Variants in ADCY3 observed in about 807,000 individuals in gnomAD.
The protein encoded by ADCY3 is adenylate cyclase type 3.
A neutral mutation model predicts 119.4 loss-of-function variants in ADCY3; 70 were observed. The ratio of observed to expected loss-of-function variants is 0.59; its 90% CI spans 0.48 to 0.72. ADCY3 has a LOEUF of 0.72. ADCY3 is among the 30% of genes least tolerant of loss of function. The pLI is 0.00. For missense variants in ADCY3, 1,238 were observed against 1,541.6 expected (o/e 0.80, Z 3.30); for synonymous variants, 672 against 621.4 (o/e 1.08, Z -1.21).
At position 24,872,460 on chromosome 2, in the gene ADCY3, G is replaced by A. The variant is rs1433432577; in HGVS notation, c.825+110C>T. 3.0e-6 allele frequency: 4 copies of A among 1,347,528 alleles called. No individual in the cohort carries two copies. Among genetic ancestry groups the A allele is most frequent in the African/African-American group, 1.5e-5 (1 of 68,524 alleles). The allele number at this position is 1,347,528 out of a possible 1,614,324, so 83.5% of individuals were successfully genotyped here. A position where few individuals can be genotyped will look rare whatever the true frequency, so the allele number is the denominator to read the frequency against. On this transcript the variant is annotated intron_variant, in intron 3 of 21. Transcript: ENST00000679454. The surrounding 1 kb of genome is among the most constrained non-coding windows in gnomAD (Gnocchi z 4.4). ...AAGCAAACACCTGAACAGGGTGGAT[G>A]AACGCCAAGCCCCACGGAGCCAGGG...
At chr2:24,892,175 G>C (rs1677729559) in intron 2 of ADCY3, among the ~76,000 whole-genome samples, 1 of 151,198 alleles carries the variant, frequency 6.6e-6, no homozygotes, top group Non-Finnish European at 1.5e-5. Flanking sequence ...TAAAGATATA[G>C]TCTGTTACTT....
chr2:24,825,614 G>A (rs1047550949), intron 16 of ADCY3: 20 of 178,424 alleles, frequency 1.1e-4, no homozygotes, highest in Middle Eastern at 2.4e-3. Context: ...CCACTGCACC[G>A]GCCTTCTCTT....
intron 2 of ADCY3, among the ~76,000 whole-genome samples, chr2:24,909,006 C>T (rs1294688745): frequency 6.6e-6 from 1 of 152,232 alleles, no homozygotes; most frequent in Non-Finnish European, 1.5e-5. Flanking sequence ...TTAGGTGCCA[C>T]TTAAATGCCG....
At chr2:24,907,268 A>T (rs1204125906) in intron 2 of ADCY3, among the ~76,000 whole-genome samples, 1 of 152,130 alleles carries the variant, frequency 6.6e-6, no homozygotes, top group Middle Eastern at 3.4e-3. Flanking sequence ...CCACTACCAG[A>T]TCTGACTCAG....
At chr2:24,893,782 A>AT (rs1168034286) in intron 2 of ADCY3, among the ~76,000 whole-genome samples, 2 of 150,346 alleles carry the variant, frequency 1.3e-5, no homozygotes, top group Non-Finnish European at 3.0e-5. Flanking sequence ...TAACTTTAGT[A>AT]TTTTTTGTAG....
chr2:24,905,816 A>G (rs1398778376), intron 2 of ADCY3, among the ~76,000 whole-genome samples: 2 of 152,268 alleles, frequency 1.3e-5, no homozygotes, highest in Non-Finnish European at 2.9e-5. Context: ...TTGCAGAAGG[A>G]GAAACCAGGC....
chr2:24,853,501 G>A (rs1237352013), intron 3 of ADCY3, among the ~76,000 whole-genome samples: 4 of 125,358 alleles, frequency 3.2e-5, no homozygotes, highest in Admixed American at 1.0e-4. Flanking sequence ...AGATGGCATC[G>A]CTCTGTCACC....
At position 24,834,368 on chromosome 2, in the gene ADCY3, G is replaced by A. The variant is rs1670002229; in HGVS notation, c.1967+117C>T. On this transcript the variant is annotated intron_variant, in intron 11 of 21. Transcript: ENST00000679454. The surrounding 1 kb of genome is among the most constrained non-coding windows in gnomAD (Gnocchi z 4.2). ...GGGGGCCGTCCCAGTGGGGGTCAGG[G>A]AGCAGAGACTGGCTTGCTCCCCAAT... 7.8e-7 allele frequency: 1 copy of A among 1,286,220 alleles called. No individual in the cohort carries two copies. The allele number at this position is 1,286,220 out of a possible 1,614,324, so 79.7% of individuals were successfully genotyped here.
chr2:24,838,295 G>A (rs1042318556), intron 8 of ADCY3, 150 bp downstream of exon 8: 20 of 771,536 alleles, frequency 2.6e-5, no homozygotes, highest in Non-Finnish European at 3.9e-5. Flanking sequence ...TCTCCCTTGG[G>A]AAGGGTGCCA....
Position 24,919,843 on chromosome 2 carries a change from T to A in ADCY3, c.-358A>T, listed in dbSNP as rs1025897966. 1 of 150,954 alleles carries A rather than the reference T, an allele frequency of 6.6e-6. No homozygotes were observed. Among genetic ancestry groups the A allele is most frequent in the Non-Finnish European group, 1.5e-5 (1 of 67,636 alleles). 9.4% of individuals were successfully genotyped at this position (150,954 alleles called of 1,614,324 possible). A position where few individuals can be genotyped will look rare whatever the true frequency, so the allele number is the denominator to read the frequency against. On this transcript the variant is annotated 5_prime_UTR_variant, in exon 1 of 22. Coordinates refer to ENST00000679454, the MANE Select transcript of ADCY3 (RefSeq NM_004036.5). This position sits in a 1 kb window ranked among gnomAD's most constrained non-coding sequence, Gnocchi z 5.5. ...CGATCTCCCGCCGTCAGGCCCGGGA[T>A]CCGACCGGGAGAGGCGCAGGGCTGC...
At chr2:24,864,469 G>T (rs898547074) in intron 3 of ADCY3, among the ~76,000 whole-genome samples, 1 of 151,620 alleles carries the variant, frequency 6.6e-6, no homozygotes, top group African/African-American at 2.4e-5. Context: ...TAGCAAAGCC[G>T]CAGAAAACAC....
chr2:24,823,872 T>C (rs953685332), intron 17 of ADCY3, among the ~76,000 whole-genome samples: 2 of 152,134 alleles, frequency 1.3e-5, no homozygotes, highest in Non-Finnish European at 2.9e-5. Context: ...TTGTATTTTT[T>C]AGTAGAGACA....
Position 24,918,998 on chromosome 2 carries a change from G to A in ADCY3, c.-11C>T. 1 of 1,544,474 alleles carries A rather than the reference G, an allele frequency of 6.5e-7. No homozygotes were observed. The highest frequency in any genetic ancestry group is 8.7e-7 in the Non-Finnish European group (1 of 1,149,804). ...CTGGTTCCTCGGCATACTGGCTGGT[G>A]TCTGCTACTGGCCCTAGAGAAGTGG... is the stretch of plus-strand genomic sequence containing the variant. On this transcript the variant is annotated 5_prime_UTR_variant, in exon 2 of 22. Coordinates refer to ENST00000679454, the MANE Select transcript of ADCY3 (RefSeq NM_004036.5). This position sits in a 1 kb window ranked among gnomAD's most constrained non-coding sequence, Gnocchi z 5.4.
At chr2:24,897,880 A>G (rs1678467237) in intron 2 of ADCY3, among the ~76,000 whole-genome samples, 1 of 152,078 alleles carries the variant, frequency 6.6e-6, no homozygotes, top group South Asian at 2.1e-4. Flanking sequence ...AGGTTCTCAC[A>G]TACTCTGCTG....
At chr2:24,855,297 G>T (rs1354651352) in intron 3 of ADCY3, among the ~76,000 whole-genome samples, 4 of 152,126 alleles carry the variant, frequency 2.6e-5, no homozygotes, top group Admixed American at 6.5e-5. Context: ...GAAAGCTAAT[G>T]AGGAAAGGCT....
chr2:24,820,891 C>G, intron 20 of ADCY3, 43 bp from the exon 21 acceptor site: 1 of 1,606,358 alleles, frequency 6.2e-7, no homozygotes, highest in Non-Finnish European at 8.5e-7. Context: ...CAGGCCACAC[C>G]TTGTTATGGG....
chr2:24,877,437 C>T (rs750819713), intron 2 of ADCY3, among the ~76,000 whole-genome samples: 3 of 152,160 alleles, frequency 2.0e-5, no homozygotes, highest in Non-Finnish European at 2.9e-5. Flanking sequence ...AGTCCACCCC[C>T]GCCTGAAGAA....
rs373626423 is a variant in ADCY3 at position 24,830,370 on chromosome 2, A to G, written c.2172+339T>C. Among the ~76,000 whole-genome samples the G allele has an allele frequency of 6.6e-5, 10 of 152,290 alleles. No individual in the cohort carries two copies. In the East Asian group the frequency reaches 1.7e-3, roughly 26 times the overall value. ...CCTTTTTGAGAGTTAGTTTCTCCCT[A>G]TGAAACTGCAGATACTGGTACAACT... On this transcript the variant is annotated intron_variant, in intron 13 of 21. Transcript: ENST00000679454.
chr2:24,822,675 G>A (rs1167686314), intron 18 of ADCY3, 45 bp from the exon 19 acceptor site: 3 of 1,605,560 alleles, frequency 1.9e-6, no homozygotes, highest in Non-Finnish European at 2.6e-6. Flanking sequence ...TCAAGGGAGA[G>A]GAATGACCCA....
Sources: gnomAD v4.1 joint callset for allele counts (sites outside exome capture counted in the v4.1 genomes callset) on GRCh38, gnomAD v4.1.1 for gene constraint, Gnocchi (gnomAD v3.1) non-coding constraint, MANE v1.5 for transcripts, NCBI Gene and HGNC (gene_info 2026-07-23, HGNC 2026-07-21) for gene names.